Variants in SULF2 observed in about 807,000 individuals in gnomAD.
SULF2 encodes sulfatase 2.
Under a neutral mutation model 107.7 loss-of-function variants are expected in SULF2, and 52 were observed. That is an observed-to-expected ratio of 0.48 (90% CI 0.39 to 0.61). The LOEUF is 0.61. SULF2 is among the 20% of genes least tolerant of loss of function. SULF2 has a pLI of 0.00. For missense variants in SULF2, 993 were observed against 1,177.3 expected, an observed-to-expected ratio of 0.84 and a Z score of 2.29; for synonymous variants, 460 against 464.3, an observed-to-expected ratio of 0.99 and a Z score of 0.12.
intron 3 of SULF2, among the ~76,000 whole-genome samples, chr20:47,734,358 G>A (rs1382598547): frequency 1.3e-5 from 2 of 152,068 alleles, no homozygotes; most frequent in Non-Finnish European, 2.9e-5. Context: ...GGTCCTTGGG[G>A]GATTAAAAAT....
chr20:47,700,874 G>A, intron 4 of SULF2, among the ~76,000 whole-genome samples: 1 of 152,064 alleles, frequency 6.6e-6, no homozygotes, highest in Non-Finnish European at 1.5e-5. Flanking sequence ...TCGAACTCCT[G>A]ACCTAAAGTG....
At chr20:47,746,374 G>T (rs926909972) in intron 2 of SULF2, among the ~76,000 whole-genome samples, 2 of 152,324 alleles carry the variant, frequency 1.3e-5, no homozygotes, top group Non-Finnish European at 2.9e-5. Context: ...AGGCGGGAAA[G>T]AACCTGTGTC....
intron 7 of SULF2, 76 bp downstream of exon 7, chr20:47,682,918 G>T: frequency 1.4e-6 from 2 of 1,433,284 alleles, no homozygotes; most frequent in Non-Finnish European, 1.9e-6. Flanking sequence ...GGGTGGGCTT[G>T]GGTTTGGGCT....
intron 2 of SULF2, among the ~76,000 whole-genome samples, chr20:47,751,433 C>T (rs1419498014): frequency 1.3e-5 from 2 of 152,220 alleles, no homozygotes; most frequent in Non-Finnish European, 2.9e-5. Flanking sequence ...GACCAGAAGT[C>T]CCAGACAGTG....
At position 47,784,198 on chromosome 20, in the gene SULF2, A is replaced by AACAGGCAGGGGACAGAT. The variant is rs555204443; in HGVS notation, c.-101+1128_-101+1144dup. ...AAAAGTGGGGGTGGACCCGGTGGGAAACAGGCAGGGGACAGATGGAGGGGC... is the reference window on the plus strand; with the variant it reads ...AAAAGTGGGGGTGGACCCGGTGGGAAACAGGCAGGGGACAGATACAGGCAGGGGACAGATGGAGGGGC... On this transcript the variant is annotated intron_variant, in intron 1 of 20. Transcript: ENST00000688720. 7.5e-3 allele frequency among the ~76,000 whole-genome samples: 1,137 copies of AACAGGCAGGGGACAGAT among 152,304 alleles called. 20 individuals are homozygous for AACAGGCAGGGGACAGAT. Among genetic ancestry groups the AACAGGCAGGGGACAGAT allele is most frequent in the African/African-American group, 0.026 (1,088 of 41,548 alleles).
At chr20:47,730,820 A>G (rs185468224) in intron 3 of SULF2, among the ~76,000 whole-genome samples, 1 of 152,292 alleles carries the variant, frequency 6.6e-6, no homozygotes, top group East Asian at 1.9e-4. Flanking sequence ...GCACTCCAGT[A>G]TGCTTTTCCT....
rs116566627 is a variant in SULF2, at chr20:47,755,939, G to A, written c.175+1250C>T. Among the ~76,000 whole-genome samples, 590 of 149,568 alleles carry A rather than the reference G, an allele frequency of 3.9e-3. 2 individuals carry two copies. The highest frequency in any genetic ancestry group is 0.014 in the African/African-American group (566 of 40,456). On this transcript the variant is annotated intron_variant, in intron 2 of 20. Coordinates refer to ENST00000688720, the MANE Select transcript of SULF2 (RefSeq NM_001387048.1). ...CTTTTTTTTTTTGCTCCAAACCACC[G>A]AGCCCATTTCTATCTCAGTATCTTT...
chr20:47,764,759 T>G (rs564658717), intron 1 of SULF2, among the ~76,000 whole-genome samples: 3 of 151,680 alleles, frequency 2.0e-5, no homozygotes, highest in African/African-American at 7.3e-5. Context: ...CTTAAGAGAG[T>G]CCGAATTAGG....
intron 8 of SULF2, among the ~76,000 whole-genome samples, chr20:47,677,361 T>C (rs2087678951): frequency 6.6e-6 from 1 of 151,600 alleles, no homozygotes; most frequent in Admixed American, 6.6e-5. Context: ...ACAGTAGAAA[T>C]GACCCAGGTC....
chr20:47,663,536 T>G lies in SULF2; in HGVS notation c.2144A>C (p.Gln715Pro). 6.2e-7 allele frequency: 1 copy of G among 1,613,118 alleles called. No homozygotes were observed. Among genetic ancestry groups the G allele is most frequent in the Non-Finnish European group, 8.5e-7 (1 of 1,180,012 alleles). ...TGGCATGCTGCACGTGTCGTTGTTC[T>G]GCAGGCGCTTGAGCAGCTTGCGGAG... The part of the protein sequence containing the change: ...KKLRKLLKRL[Q>P]NNDTCSMPGL... The change falls in exon 16 of 21, where the codon CAG (glutamine) becomes CCG (proline). Residue 715 changes from glutamine to proline, a missense_variant. Physicochemically the swap from Gln to Pro is moderately conservative, Grantham distance 76. Around this residue, in one of 3 missense-constraint regions of SULF2, gnomAD observed 497 missense variants for 544.1 expected, o/e 0.91. Transcript: ENST00000688720.
intron 4 of SULF2, among the ~76,000 whole-genome samples, chr20:47,699,417 CCT>C (rs1007852878): frequency 2.0e-5 from 3 of 151,498 alleles, no homozygotes; most frequent in African/African-American, 7.3e-5. Flanking sequence ...ACTGTGTACC[CCT>C]GAGCACTACA....
intron 11 of SULF2, among the ~76,000 whole-genome samples, chr20:47,667,276 C>G (rs971277498): frequency 6.6e-6 from 1 of 152,056 alleles, no homozygotes; most frequent in Non-Finnish European, 1.5e-5. Context: ...TCTTTGAGTC[C>G]CAGAGAGCTG....
chr20:47,769,170 A>T (rs987826693), intron 1 of SULF2, among the ~76,000 whole-genome samples: 1 of 151,920 alleles, frequency 6.6e-6, no homozygotes, highest in Non-Finnish European at 1.5e-5. Flanking sequence ...CCTCCTGAGT[A>T]GCTGGAACTA....
At chr20:47,751,852 A>G (rs2090164346) in intron 2 of SULF2, among the ~76,000 whole-genome samples, 1 of 152,202 alleles carries the variant, frequency 6.6e-6, no homozygotes, top group African/African-American at 2.4e-5. Flanking sequence ...GCACTTTTGC[A>G]GGCCCCAAAA....
intron 3 of SULF2, among the ~76,000 whole-genome samples, chr20:47,728,862 T>G (rs2089519626): frequency 6.6e-6 from 1 of 152,142 alleles, no homozygotes; most frequent in South Asian, 2.1e-4. Context: ...GCTAGGCTAG[T>G]CTCAAACTCC....
Position 47,785,445 on chromosome 20 carries a change from T to TGCTGCCGCCGCCGCC in SULF2, c.-204_-203insGGCGGCGGCGGCAGC, listed in dbSNP as rs2090911181. ...GGCGCAGGGGACTCCGCGCCGCCGCTGCCGCTGCCGCCGCCGCCGCCGCCG... is the reference window on the plus strand; with the variant it reads ...GGCGCAGGGGACTCCGCGCCGCCGCTGCTGCCGCCGCCGCCGCCGCTGCCGCCGCCGCCGCCGCCG... On this transcript the variant is annotated 5_prime_UTR_variant, in exon 1 of 21. Transcript: ENST00000688720. 8 of 147,502 alleles carry TGCTGCCGCCGCCGCC rather than the reference T, an allele frequency of 5.4e-5. No individual in the cohort carries two copies. The highest frequency in any genetic ancestry group is 2.3e-4 in the African/African-American group (8 of 34,434). The allele number at this position is 147,502 out of a possible 1,614,324, so 9.1% of individuals were successfully genotyped here. A position where few individuals can be genotyped will look rare whatever the true frequency, so the allele number is the denominator to read the frequency against.
In SULF2 at chr20:47,678,238, T is replaced by G. The variant is rs1167823133; in HGVS notation, c.1193+438A>C. ...GACTTGCTGGGATACCTCCGACACG[T>G]CACTCAATCGCTTTGGGATTCAGAT... On this transcript the variant is annotated intron_variant, in intron 8 of 20. Transcript: ENST00000688720. The surrounding 1 kb of genome is among the most constrained non-coding windows in gnomAD (Gnocchi z 4.5). 1.9e-5 allele frequency: 3 copies of G among 159,004 alleles called. No homozygotes were observed. The highest frequency in any genetic ancestry group is 6.3e-5 in the Admixed American group (1 of 15,990). 9.8% of individuals were successfully genotyped at this position (159,004 alleles called of 1,614,324 possible).
chr20:47,674,221 C>T (rs1364258421), intron 10 of SULF2, among the ~76,000 whole-genome samples: 1 of 152,270 alleles, frequency 6.6e-6, no homozygotes, highest in Admixed American at 6.5e-5. Context: ...ATGTAGAAGC[C>T]GTGTCCACAT....
At chr20:47,786,163 G>T (rs946575531), upstream of SULF2, 6 of 152,268 alleles carry the variant, frequency 3.9e-5, no homozygotes, top group Admixed American at 3.3e-4. Flanking sequence ...GCACGTGTGT[G>T]TGCGTAACAC....
Sources: allele counts gnomAD v4.1 joint callset (sites outside exome capture counted in the v4.1 genomes callset), GRCh38; gene constraint gnomAD v4.1.1; regional missense constraint gnomAD v4.1.1; non-coding constraint Gnocchi (gnomAD v3.1); transcripts MANE v1.5; gene names NCBI Gene and HGNC (gene_info 2026-07-23, HGNC 2026-07-21).